The following LRMDA variants were observed in gnomAD, a reference collection of about 807,000 sequenced individuals.
The protein encoded by LRMDA is leucine-rich melanocyte differentiation-associated protein.
Under a neutral mutation model 29.8 loss-of-function variants are expected in LRMDA, and 18 were observed. The observed-to-expected ratio is 0.60, with a 90% CI of 0.42 to 0.90. LRMDA has a LOEUF of 0.90. LRMDA is among the 40% of genes least tolerant of loss of function. The pLI is 0.00. For missense variants in LRMDA, 273 were observed against 273.9 expected (o/e 1.00, Z 0.02); for synonymous variants, 125 against 109.4 (o/e 1.14, Z -0.89).
chr10:75,879,389 ACT>A (rs1845256037), intron 2 of LRMDA, among the ~76,000 whole-genome samples: 1 of 151,902 alleles, frequency 6.6e-6, no homozygotes, highest in African/African-American at 2.4e-5. Context: ...TAGAGTAGAC[ACT>A]CTTTAATTTC....
At chr10:76,184,586 A>G (rs1262967325) in intron 5 of LRMDA, among the ~76,000 whole-genome samples, 2 of 152,228 alleles carry the variant, frequency 1.3e-5, no homozygotes, top group Non-Finnish European at 2.9e-5. Context: ...TATTCTGGAA[A>G]AAGTGTATGA....
At chr10:76,540,196 A>ACACATGTG (rs1843338352) in intron 6 of LRMDA, among the ~76,000 whole-genome samples, 1 of 152,240 alleles carries the variant, frequency 6.6e-6, no homozygotes, top group South Asian at 2.1e-4. Context: ...TAGTGCCTGC[A>ACACATGTG]CACATGTGCA....
intron 2 of LRMDA, among the ~76,000 whole-genome samples, chr10:75,524,653 C>T (rs1343689932): frequency 6.6e-6 from 1 of 152,106 alleles, no homozygotes. Context: ...ACAACTTGGC[C>T]TATGTAGTAA....
chr10:75,520,021 G>C (rs901589003), intron 2 of LRMDA, among the ~76,000 whole-genome samples: 12 of 152,162 alleles, frequency 7.9e-5, no homozygotes, highest in African/African-American at 2.9e-4. Context: ...CTGTCTTCTG[G>C]CTTGTTGGGT....
intron 2 of LRMDA, among the ~76,000 whole-genome samples, chr10:75,439,956 A>G (rs1011723468): frequency 1.3e-5 from 2 of 151,414 alleles, no homozygotes; most frequent in Non-Finnish European, 2.9e-5. Context: ...AGGGCACTGG[A>G]GCTTGGGTTG....
At chr10:75,972,452 C>T (rs754229031) in intron 2 of LRMDA, among the ~76,000 whole-genome samples, 4 of 152,104 alleles carry the variant, frequency 2.6e-5, no homozygotes, top group Non-Finnish European at 5.9e-5. Flanking sequence ...TTCCCCTTCT[C>T]ATTTTAAAAA....
At chr10:76,062,773 T>A (rs1167355884) in intron 5 of LRMDA, among the ~76,000 whole-genome samples, 1 of 151,838 alleles carries the variant, frequency 6.6e-6, no homozygotes. Context: ...TATAACTTTA[T>A]CAAATATTGG....
intron 2 of LRMDA, among the ~76,000 whole-genome samples, chr10:75,764,889 G>A (rs1328163197): frequency 6.6e-6 from 1 of 151,858 alleles, no homozygotes; most frequent in Admixed American, 6.6e-5. Flanking sequence ...TCAAGGGTCC[G>A]GCTGTGGAGT....
intron 5 of LRMDA, among the ~76,000 whole-genome samples, chr10:76,175,665 C>T (rs1338555672): frequency 6.6e-6 from 1 of 152,196 alleles, no homozygotes; most frequent in Non-Finnish European, 1.5e-5. Flanking sequence ...CCGTTGAAAG[C>T]AGACCTGCCT....
At chr10:76,471,320 CA>C (rs1181700233) in intron 6 of LRMDA, among the ~76,000 whole-genome samples, 2 of 151,496 alleles carry the variant, frequency 1.3e-5, no homozygotes, top group Non-Finnish European at 1.5e-5. Context: ...GAAGATGGAA[CA>C]GAGCTATATA....
At chr10:75,885,947 A>T (rs1338652602) in intron 2 of LRMDA, among the ~76,000 whole-genome samples, 1 of 152,244 alleles carries the variant, frequency 6.6e-6, no homozygotes, top group African/African-American at 2.4e-5. Flanking sequence ...TGAATAGATG[A>T]ATGAATAAAG....
intron 2 of LRMDA, among the ~76,000 whole-genome samples, chr10:75,523,955 T>C (rs1339827751): frequency 1.3e-5 from 2 of 152,232 alleles, no homozygotes; most frequent in South Asian, 2.1e-4. Flanking sequence ...TGTCAGTGAC[T>C]TGGCTTTGAA....
At chr10:75,746,607 T>G (rs909796841) in intron 2 of LRMDA, among the ~76,000 whole-genome samples, 1 of 152,196 alleles carries the variant, frequency 6.6e-6, no homozygotes, top group African/African-American at 2.4e-5. Context: ...TTTAATGAAT[T>G]CCTAATGGCC....
intron 5 of LRMDA, among the ~76,000 whole-genome samples, chr10:76,062,656 C>CTCTGTGTGTG (rs1309306871): frequency 7.2e-6 from 1 of 139,208 alleles, no homozygotes; most frequent in African/African-American, 2.8e-5. Context: ...CTTTATCTCT[C>CTCTGTGTGTG]TGTGTGTGTG....
chr10:75,695,074 AG>A (rs1842217702), intron 2 of LRMDA, among the ~76,000 whole-genome samples: 1 of 151,562 alleles, frequency 6.6e-6, no homozygotes, highest in African/African-American at 2.4e-5. Flanking sequence ...GCTATTGAGT[AG>A]GTGAGAGTCG....
At chr10:76,073,557 G>T (rs941532052) in intron 5 of LRMDA, among the ~76,000 whole-genome samples, 5 of 152,104 alleles carry the variant, frequency 3.3e-5, no homozygotes, top group African/African-American at 9.7e-5. Flanking sequence ...TATGTGCAGG[G>T]TATGTGTGTG....
intron 2 of LRMDA, among the ~76,000 whole-genome samples, chr10:75,539,430 T>C (rs1456843850): frequency 2.6e-5 from 4 of 152,176 alleles, no homozygotes; most frequent in African/African-American, 9.6e-5. Context: ...TTTGGGAATG[T>C]CATACATTTT....
chr10:76,495,433 C>T (rs1005899196), intron 6 of LRMDA, among the ~76,000 whole-genome samples: 4 of 151,796 alleles, frequency 2.6e-5, no homozygotes, highest in Admixed American at 2.0e-4. Context: ...TAAACCATGA[C>T]ATTGAGGAGA....
intron 5 of LRMDA, among the ~76,000 whole-genome samples, chr10:76,113,432 T>C (rs1036178088): frequency 6.6e-6 from 1 of 151,572 alleles, no homozygotes; most frequent in Admixed American, 6.6e-5. Context: ...CTACCCCATA[T>C]GAAAAATGGA....
Sources: gnomAD v4.1 joint callset for allele counts (sites outside exome capture counted in the v4.1 genomes callset) on GRCh38, gnomAD v4.1.1 for gene constraint, MANE v1.5 for transcripts, NCBI Gene and HGNC (gene_info 2026-07-23, HGNC 2026-07-21) for gene names.